The following DNASE1 variants were observed in gnomAD, a reference collection of about 807,000 sequenced individuals.
DNASE1 encodes deoxyribonuclease-1.
DNASE1 carries 40 observed loss-of-function variants against 33.9 expected under a neutral mutation model. That is an observed-to-expected ratio of 1.18 (90% CI 0.92 to 1.54). DNASE1 has a LOEUF of 1.54. Ranked by LOEUF, DNASE1 falls within the 40% of genes most tolerant of loss-of-function variation. The pLI, the probability that DNASE1 is intolerant of heterozygous loss-of-function variation, is 0.00. For synonymous variants in DNASE1, 216 were observed against 160.0 expected (o/e 1.35, Z -2.64); for missense variants, 518 against 372.6 (o/e 1.39, Z -3.21).
chr16:3,657,776 C>G lies in DNASE1; in HGVS notation c.761C>G (p.Pro254Arg), dbSNP rs777733131. 1.2e-6 allele frequency: 2 copies of G among 1,614,052 alleles called. No homozygotes were observed. The highest frequency in any genetic ancestry group is 1.7e-6 in the Non-Finnish European group (2 of 1,179,984). The change falls in exon 8 of 9, where the codon CCC becomes CGC. Residue 254 changes from proline to arginine, a missense_variant. Transcript: ENST00000246949. The part of the protein sequence containing the change: ...RGAVVPDSAL[P>R]FNFQAAYGLS... ...GCCGTTGTTCCCGACTCGGCTCTTC[C>G]CTTTAACTTCCAGGCTGCCTATGGC...
chr16:3,641,152 C>T, upstream of DNASE1: 1 of 393,362 alleles, frequency 2.5e-6, no homozygotes, highest in Non-Finnish European at 4.5e-6. Context: ...TGCTGCAGCT[C>T]CACGCTGTGG....
chr16:3,621,216 G>T (rs1191378450), intron 1 of DNASE1, among the ~76,000 whole-genome samples: 3 of 151,950 alleles, frequency 2.0e-5, no homozygotes, highest in East Asian at 3.8e-4. Context: ...ATCCCGAGTA[G>T]CCAAGAGTAC....
intron 1 of DNASE1, among the ~76,000 whole-genome samples, chr16:3,634,744 G>A (rs972519863): frequency 2.0e-5 from 3 of 151,286 alleles, no homozygotes; most frequent in Admixed American, 1.3e-4. Flanking sequence ...TGAACTCCTG[G>A]TCTTAAGAAG....
upstream of DNASE1, chr16:3,654,345 C>G (rs1171847376): frequency 5.0e-6 from 2 of 398,752 alleles, no homozygotes; most frequent in Non-Finnish European, 8.8e-6. Flanking sequence ...CCCACCACTG[C>G]TTGTTCCGAG....
intron 2 of DNASE1, 108 bp from the exon 3 acceptor site, chr16:3,655,741 G>T (rs544765759): frequency 1.4e-6 from 2 of 1,473,912 alleles, no homozygotes; most frequent in African/African-American, 1.4e-5. Context: ...ATGAGGCTGC[G>T]GTTAAACCGA....
chr16:3,629,211 C>T (rs2041623130), intron 1 of DNASE1, among the ~76,000 whole-genome samples: 1 of 149,838 alleles, frequency 6.7e-6, no homozygotes, highest in Admixed American at 6.7e-5. Context: ...TAAGCTTTCT[C>T]GGGTTTAACA....
chr16:3,617,786 A>G (rs780692227), intron 1 of DNASE1, among the ~76,000 whole-genome samples: 1 of 152,090 alleles, frequency 6.6e-6, no homozygotes, highest in Non-Finnish European at 1.5e-5. Flanking sequence ...TTTTTACAAA[A>G]ATTTTTTTAA....
chr16:3,656,050 G>C, intron 3 of DNASE1, 52 bp from the exon 4 acceptor site: 1 of 1,609,268 alleles, frequency 6.2e-7, no homozygotes, highest in South Asian at 1.1e-5. Flanking sequence ...TCGGCAGCCA[G>C]AGGGGTCCCC....
chr16:3,652,641 C>A (rs1358057648), upstream of DNASE1: 1 of 152,270 alleles, frequency 6.6e-6, no homozygotes, highest in African/African-American at 2.4e-5. Flanking sequence ...GATGAGTGCA[C>A]CAGTGCTGCC....
At position 3,655,372 on chromosome 16, in the gene DNASE1, G is replaced by C; in HGVS notation, c.-1-1G>C. 6.2e-7 allele frequency: 1 copy of C among 1,614,140 alleles called. No homozygotes were observed. Reference sequence around the variant, plus strand: ...TGTCTCTGTGCCCTGTGCTCTCCCAGGATGAGGGGCATGAAGCTGCTGGGG... The same window carrying C: ...TGTCTCTGTGCCCTGTGCTCTCCCACGATGAGGGGCATGAAGCTGCTGGGG... On this transcript the variant is annotated splice_acceptor_variant, in intron 1 of 8. Coordinates refer to ENST00000246949, the MANE Select transcript of DNASE1 (RefSeq NM_005223.4). LOFTEE classifies it low-confidence loss of function (5UTR_SPLICE).
exon 10 of DNASE1, chr16:3,663,569 G>T (rs1442303427): frequency 6.2e-7 from 1 of 1,613,472 alleles, no homozygotes; most frequent in East Asian, 2.2e-5. Flanking sequence ...GAACCTGCAG[G>T]TGGCCAAGAG....
chr16:3,617,832 C>G (rs899305925), intron 1 of DNASE1, among the ~76,000 whole-genome samples: 1 of 152,034 alleles, frequency 6.6e-6, no homozygotes, highest in African/African-American at 2.4e-5. Flanking sequence ...AACCCCCTAC[C>G]CTTTCTGCCA....
chr16:3,645,744 T>C (rs1309879948), intron 1 of DNASE1, among the ~76,000 whole-genome samples: 2 of 152,230 alleles, frequency 1.3e-5, no homozygotes, highest in Admixed American at 1.3e-4. Context: ...TGTAAGTCTT[T>C]GTGATTCTGA....
chr16:3,614,996 A>G (rs1274512981), intron 1 of DNASE1, among the ~76,000 whole-genome samples: 2 of 152,226 alleles, frequency 1.3e-5, no homozygotes, highest in Non-Finnish European at 2.9e-5. Context: ...CATAAAATAA[A>G]TTAGTTGAAG....
chr16:3,626,897 G>A (rs552478727), intron 1 of DNASE1, among the ~76,000 whole-genome samples: 4 of 152,080 alleles, frequency 2.6e-5, no homozygotes, highest in Non-Finnish European at 4.4e-5. Context: ...TTAGAGACAG[G>A]GTCTTGCTAT....
At chr16:3,629,834 AAC>A (rs1290041139) in intron 1 of DNASE1, among the ~76,000 whole-genome samples, 1 of 152,044 alleles carries the variant, frequency 6.6e-6, no homozygotes, top group Admixed American at 6.6e-5. Flanking sequence ...TTGTTTTTAA[AAC>A]AGAGTCTTGC....
At position 3,613,908 on chromosome 16, in the gene DNASE1, A is replaced by ATTTTTTTT. The variant is rs200976238; in HGVS notation, c.-1359+1918_-1359+1925dup. Reference sequence around the variant, plus strand: ...AGGCGCCCGCAACCGCGCCTGGCTAATTTTTTTTTTTTTTTTTTTTTTTGG... The same window carrying ATTTTTTTT: ...AGGCGCCCGCAACCGCGCCTGGCTAATTTTTTTTTTTTTTTTTTTTTTTTTTTTTTTGG... On this transcript the variant is annotated intron_variant and NMD_transcript_variant, in intron 1 of 11. Transcript: ENST00000570769. Among the ~76,000 whole-genome samples, 66 of 113,122 alleles carry ATTTTTTTT rather than the reference A, an allele frequency of 5.8e-4. 1 individual carries two copies. Among genetic ancestry groups the ATTTTTTTT allele is most frequent in the African/African-American group, 2.2e-3 (58 of 26,742 alleles). The allele number at this position is 113,122 out of a possible 152,430, so 74.2% of individuals were successfully genotyped here. A position where few individuals can be genotyped will look rare whatever the true frequency, so the allele number is the denominator to read the frequency against.
At chr16:3,660,554 G>A (rs1338605945), downstream of DNASE1, 1 of 152,146 alleles carries the variant, frequency 6.6e-6, no homozygotes, top group Non-Finnish European at 1.5e-5. Context: ...ACTAGTTAAA[G>A]TGACCTGGTG....
At chr16:3,618,394 T>C (rs1007382830) in intron 1 of DNASE1, among the ~76,000 whole-genome samples, 2 of 152,178 alleles carry the variant, frequency 1.3e-5, no homozygotes, top group Non-Finnish European at 1.5e-5. Context: ...CATCATATGA[T>C]TCAGCAATTC....
Sources: gnomAD v4.1 joint callset for allele counts (sites outside exome capture counted in the v4.1 genomes callset) on GRCh38, gnomAD v4.1.1 for gene constraint, MANE v1.5 for transcripts, NCBI Gene and HGNC (gene_info 2026-07-23, HGNC 2026-07-21) for gene names.